Variants in DCAF1 observed in about 807,000 individuals in gnomAD.
DCAF1 encodes the protein DDB1- and CUL4-associated factor 1.
DCAF1 carries 15 observed loss-of-function variants against 128.0 expected under a neutral mutation model. The observed-to-expected ratio is 0.12, with a 90% CI of 0.08 to 0.18. The LOEUF is 0.18. Ranked by LOEUF, DCAF1 falls within the 10% of genes least tolerant of loss-of-function variation. The pLI, the probability that DCAF1 is intolerant of heterozygous loss-of-function variation, is 1.00. For synonymous variants in DCAF1, 610 were observed against 603.0 expected (o/e 1.01, Z -0.17); for missense variants, 988 against 1,649.5 (o/e 0.60, Z 6.95).
At chr3:51,482,722 G>A (rs1553653375) in intron 3 of DCAF1, among the ~76,000 whole-genome samples, 1 of 133,806 alleles carries the variant, frequency 7.5e-6, no homozygotes. Context: ...CCGAGATCGT[G>A]CCATTGCACT....
rs5848921 is a variant in DCAF1 at position 51,431,519 on chromosome 3, CAA to C, written c.1288-1309_1288-1308del. 6.7e-4 allele frequency among the ~76,000 whole-genome samples: 43 copies of C among 64,138 alleles called. 1 individual carries two copies. The highest frequency in any genetic ancestry group is 1.8e-3 in the Admixed American group (11 of 5,994). The allele number at this position is 64,138 out of a possible 152,430, so 42.1% of individuals were successfully genotyped here. A position where few individuals can be genotyped will look rare whatever the true frequency, so the allele number is the denominator to read the frequency against. The stretch of plus-strand genomic sequence containing the variant: ...TGGGTGACAGAGCAAGATTCCGTCT[CAA>C]AAAAAAAAAAAAAAAAAGATTATAT... On this transcript the variant is annotated intron_variant, in intron 10 of 24. Coordinates refer to ENST00000684031, the MANE Select transcript of DCAF1 (RefSeq NM_001387579.1).
chr3:51,490,399 C>T (rs1278379694), intron 2 of DCAF1, among the ~76,000 whole-genome samples: 4 of 152,124 alleles, frequency 2.6e-5, no homozygotes, highest in African/African-American at 9.7e-5. Flanking sequence ...CCACTGCACT[C>T]TAGCATTGAA....
chr3:51,475,289 T>C (rs1434751832), intron 3 of DCAF1, among the ~76,000 whole-genome samples: 1 of 149,438 alleles, frequency 6.7e-6, no homozygotes, highest in African/African-American at 2.5e-5. Context: ...AACTAAGAAA[T>C]ATAACAGAGA....
chr3:51,425,517 A>AAATG (rs1224401715), intron 13 of DCAF1, among the ~76,000 whole-genome samples: 4 of 151,728 alleles, frequency 2.6e-5, no homozygotes, highest in Admixed American at 2.0e-4. Flanking sequence ...CCAGTTTAAA[A>AAATG]AATGTATTTA....
intron 6 of DCAF1, among the ~76,000 whole-genome samples, chr3:51,449,806 A>G (rs1195926934): frequency 6.6e-6 from 1 of 152,166 alleles, no homozygotes; most frequent in Non-Finnish European, 1.5e-5. Flanking sequence ...GAAATGAAAC[A>G]GGCCTCATTA....
chr3:51,503,708 C>T (rs782819848), upstream of DCAF1, among the ~76,000 whole-genome samples: 6 of 152,218 alleles, frequency 3.9e-5, no homozygotes, highest in Non-Finnish European at 8.8e-5. Flanking sequence ...TACCCTACTC[C>T]TGCCTGGTGG....
chr3:51,466,783 A>T lies in DCAF1; in HGVS notation c.261+20T>A, dbSNP rs1553646672. 1.2e-6 allele frequency: 2 copies of T among 1,611,492 alleles called. No individual in the cohort carries two copies. Among genetic ancestry groups the T allele is most frequent in the African/African-American group, 2.7e-5 (2 of 74,858 alleles). On this transcript the variant is annotated intron_variant, in intron 5 of 24. Coordinates refer to ENST00000684031, the MANE Select transcript of DCAF1 (RefSeq NM_001387579.1). ...ATCTACAGATGATAATCGCTGGAGA[A>T]AAGTAAGAAGCAAACCTACTGCATT...
At chr3:51,463,507 T>C (rs1703825624) in intron 5 of DCAF1, among the ~76,000 whole-genome samples, 1 of 152,102 alleles carries the variant, frequency 6.6e-6, no homozygotes, top group South Asian at 2.1e-4. Flanking sequence ...CAAACGCTGA[T>C]GCCAGTGATG....
intron 13 of DCAF1, among the ~76,000 whole-genome samples, chr3:51,424,979 A>G (rs1389307966): frequency 7.2e-5 from 11 of 152,312 alleles, no homozygotes; most frequent in African/African-American, 2.6e-4. Flanking sequence ...GTGCCTTTCT[A>G]TGTTTTGAAA....
At chr3:51,505,593 G>C in the DCAF1 span, among the ~76,000 whole-genome samples, 36 of 151,798 alleles carry the variant, frequency 2.4e-4, no homozygotes, top group Non-Finnish European at 1.5e-5. Context: ...ATGTTCCTGA[G>C]GGGAGCCCCC....
chr3:51,436,802 G>A (rs1700870143), intron 9 of DCAF1, among the ~76,000 whole-genome samples: 1 of 152,168 alleles, frequency 6.6e-6, no homozygotes, highest in Non-Finnish European at 1.5e-5. Flanking sequence ...TGTGGGGAAA[G>A]AACGTAAAGA....
intron 7 of DCAF1, 99 bp downstream of exon 7, chr3:51,443,667 C>A (rs559265386): frequency 1.8e-6 from 2 of 1,086,800 alleles, no homozygotes; most frequent in South Asian, 2.3e-5. Flanking sequence ...TGCTCCAGTA[C>A]AAGATAATCA....
chr3:51,436,161 CCAA>C (rs1169100156), intron 9 of DCAF1, among the ~76,000 whole-genome samples: 3 of 152,186 alleles, frequency 2.0e-5, no homozygotes, highest in Non-Finnish European at 2.9e-5. Flanking sequence ...AAAATTCACC[CCAA>C]CAACAATATA....
At chr3:51,504,339 C>G (rs1708891438), upstream of DCAF1, among the ~76,000 whole-genome samples, 1 of 151,668 alleles carries the variant, frequency 6.6e-6, no homozygotes. Flanking sequence ...CCTGGCAACC[C>G]CTGAACTTTT....
chr3:51,444,666 T>TATTGATTGATTG (rs542801227), intron 6 of DCAF1, among the ~76,000 whole-genome samples: 1 of 150,052 alleles, frequency 6.7e-6, no homozygotes, highest in African/African-American at 2.5e-5. Flanking sequence ...AAACTTATTT[T>TATTGATTGATTG]ATTGATTGAT....
chr3:51,472,337 G>A (rs1296209827), intron 3 of DCAF1, among the ~76,000 whole-genome samples: 1 of 152,140 alleles, frequency 6.6e-6, no homozygotes, highest in Non-Finnish European at 1.5e-5. Flanking sequence ...CCGTTCATCT[G>A]CTTTCTCTCA....
chr3:51,422,873 G>T (rs1345896922), intron 13 of DCAF1, among the ~76,000 whole-genome samples: 1 of 151,872 alleles, frequency 6.6e-6, no homozygotes, highest in Non-Finnish European at 1.5e-5. Context: ...AGACCAGAAT[G>T]GGCAACATGG....
intron 1 of DCAF1, among the ~76,000 whole-genome samples, chr3:51,497,716 G>C (rs561275079): frequency 6.6e-6 from 1 of 152,028 alleles, no homozygotes; most frequent in African/African-American, 2.4e-5. Context: ...AGACACAGTC[G>C]ACACAAATAT....
At chr3:51,457,052 A>G (rs1343835921) in intron 6 of DCAF1, among the ~76,000 whole-genome samples, 2 of 152,248 alleles carry the variant, frequency 1.3e-5, no homozygotes, top group African/African-American at 4.8e-5. Context: ...AATGGAACAA[A>G]GCTGGACGGA....
Sources: gnomAD v4.1 joint callset for allele counts (sites outside exome capture counted in the v4.1 genomes callset) on GRCh38, gnomAD v4.1.1 for gene constraint, MANE v1.5 for transcripts, NCBI Gene and HGNC (gene_info 2026-07-23, HGNC 2026-07-21) for gene names.